The following SCN2A variants were observed in gnomAD, a reference collection of about 807,000 sequenced individuals.
SCN2A encodes the protein sodium voltage-gated channel alpha subunit 2.
Under a neutral mutation model 188.7 loss-of-function variants are expected in SCN2A, and 20 were observed. The observed-to-expected ratio is 0.11, with a 90% CI of 0.07 to 0.15. SCN2A has a LOEUF of 0.15. SCN2A is among the 10% of genes least tolerant of loss of function. The probability of loss-of-function intolerance (pLI) is 1.00; values close to 1 mark genes in which losing one functional copy is unlikely to be tolerated. For synonymous variants in SCN2A, 804 were observed against 833.1 expected, an observed-to-expected ratio of 0.97 and a Z score of 0.60; for missense variants, 1,278 against 2,445.0, an observed-to-expected ratio of 0.52 and a Z score of 10.07.
At chr2:165,350,464 C>CTTTTTTTTTTTTTTTTTTTTTTTTTTT (rs71028479) in intron 16 of SCN2A, among the ~76,000 whole-genome samples, 4 of 73,848 alleles carry the variant, frequency 5.4e-5, no homozygotes, top group African/African-American at 1.8e-4. Flanking sequence ...TGTTTTCTTT[C>CTTTTTTTTTTTTTTTTTTTTTTTTTTT]TTTTTTTTTT....
At chr2:165,258,435 G>T (rs1354815423) in intron 1 of SCN2A, among the ~76,000 whole-genome samples, 1 of 152,150 alleles carries the variant, frequency 6.6e-6, no homozygotes, top group Non-Finnish European at 1.5e-5. Context: ...TTTGTCCGTT[G>T]CTTGCTGGAG....
chr2:165,305,177 T>A (rs1194072857), intron 3 of SCN2A, among the ~76,000 whole-genome samples: 1 of 152,226 alleles, frequency 6.6e-6, no homozygotes, highest in African/African-American at 2.4e-5. Context: ...AATCTAAGAT[T>A]TCTCATAGGT....
rs752881264 is a variant in SCN2A, at chr2:165,323,503, G to A, written c.2016+3G>A. 3.9e-5 allele frequency: 62 copies of A among 1,608,588 alleles called. 1 individual carries two copies. The highest frequency in any genetic ancestry group is 5.1e-5 in the Non-Finnish European group (60 of 1,177,394). On this transcript the variant is annotated splice_donor_region_variant and intron_variant, in intron 12 of 26. Coordinates refer to ENST00000375437, the MANE Select transcript of SCN2A (RefSeq NM_001040142.2). Reference sequence around the variant, plus strand: ...CTGCTGGGCAGCTCCTACCAGAGGTGAGGCCAATTAAAATTGCAGCTGATG... The same window carrying A: ...CTGCTGGGCAGCTCCTACCAGAGGTAAGGCCAATTAAAATTGCAGCTGATG...
intron 22 of SCN2A, among the ~76,000 whole-genome samples, chr2:165,376,214 A>G (rs943446978): frequency 1.3e-5 from 2 of 151,876 alleles, no homozygotes; most frequent in African/African-American, 4.8e-5. Flanking sequence ...AAAAATAAGT[A>G]TAAGAAGCGA....
At chr2:165,346,754 A>C (rs1699610337) in intron 16 of SCN2A, among the ~76,000 whole-genome samples, 1 of 152,214 alleles carries the variant, frequency 6.6e-6, no homozygotes, top group Admixed American at 6.5e-5. Context: ...TACAAGAAAA[A>C]CACAACCCTA....
At chr2:165,362,948 A>G (rs1310376674) in intron 17 of SCN2A, among the ~76,000 whole-genome samples, 2 of 152,138 alleles carry the variant, frequency 1.3e-5, no homozygotes, top group South Asian at 4.1e-4. Context: ...CAAAATAGAC[A>G]GTGAAGAAAG....
At chr2:165,298,961 T>A (rs1200599610) in intron 3 of SCN2A, among the ~76,000 whole-genome samples, 2 of 152,110 alleles carry the variant, frequency 1.3e-5, no homozygotes, top group Admixed American at 1.3e-4. Flanking sequence ...TTTGAATGGA[T>A]CAGAAAAAAT....
chr2:165,287,064 A>T (rs909077908), intron 1 of SCN2A, among the ~76,000 whole-genome samples: 4 of 152,148 alleles, frequency 2.6e-5, no homozygotes, highest in African/African-American at 9.7e-5. Context: ...GTAGAGGGAG[A>T]GACCGAGGCA....
At chr2:165,308,595 G>GACACA in intron 4 of SCN2A, 71 bp from the exon 5 acceptor site, 1 of 1,548,522 alleles carries the variant, frequency 6.5e-7, no homozygotes, top group Non-Finnish European at 8.9e-7. Context: ...TGCTGTTTAT[G>GACACA]TCATCTTTAA....
At chr2:165,379,036 C>T (rs1031848122) in intron 23 of SCN2A, among the ~76,000 whole-genome samples, 2 of 151,732 alleles carry the variant, frequency 1.3e-5, no homozygotes, top group African/African-American at 4.8e-5. Flanking sequence ...CCTTTAAAAA[C>T]AGTTGGGTAT....
intron 1 of SCN2A, chr2:165,273,728 C>T (rs1048234882): frequency 1.3e-5 from 2 of 152,044 alleles, no homozygotes; most frequent in Non-Finnish European, 2.9e-5. Flanking sequence ...AATGATGATG[C>T]TTTGCTTTTG....
chr2:165,364,635 C>T (rs1013040821), intron 17 of SCN2A, among the ~76,000 whole-genome samples: 5 of 152,134 alleles, frequency 3.3e-5, no homozygotes, highest in Admixed American at 3.3e-4. Context: ...TATTTAATAA[C>T]AATCTGGTAT....
intron 15 of SCN2A, among the ~76,000 whole-genome samples, chr2:165,343,985 A>G (rs1444474770): frequency 6.6e-6 from 1 of 152,268 alleles, no homozygotes; most frequent in South Asian, 2.1e-4. Flanking sequence ...TCACCTGTGC[A>G]TTTCAGCATA....
chr2:165,331,989 A>T (rs1259434008), intron 14 of SCN2A, among the ~76,000 whole-genome samples: 1 of 152,068 alleles, frequency 6.6e-6, no homozygotes, highest in African/African-American at 2.4e-5. Flanking sequence ...GGGAGGGGAC[A>T]TCATCTGGGG....
Position 165,265,529 on chromosome 2 carries a change from G to A in SCN2A, c.-52+25889G>A, listed in dbSNP as rs540141027. 5.8e-3 allele frequency among the ~76,000 whole-genome samples: 571 copies of A among 98,398 alleles called. 4 individuals carry two copies. The highest frequency in any genetic ancestry group is 8.3e-3 in the Non-Finnish European group (418 of 50,504). 64.6% of individuals were successfully genotyped at this position (98,398 alleles called of 152,430 possible). ...TATATATATATATTGCTGTGCAGAAGCTCTTTAGTTTAATTAGATCATAAT... is the reference window on the plus strand; with the variant it reads ...TATATATATATATTGCTGTGCAGAAACTCTTTAGTTTAATTAGATCATAAT... On this transcript the variant is annotated intron_variant, in intron 1 of 26. Transcript: ENST00000375437.
At chr2:165,384,943 G>A (rs2105394237) in intron 25 of SCN2A, among the ~76,000 whole-genome samples, 1 of 152,214 alleles carries the variant, frequency 6.6e-6, no homozygotes, top group Admixed American at 6.5e-5. Context: ...GCCAGACTTG[G>A]AAAGTTAAAC....
intron 1 of SCN2A, among the ~76,000 whole-genome samples, chr2:165,262,099 T>A (rs183919313): frequency 1.1e-3 from 164 of 152,336 alleles, no homozygotes; most frequent in African/African-American, 3.7e-3. Context: ...CTTGCCCATC[T>A]CAAATAATAG....
chr2:165,367,894 G>C (rs1399863389), intron 19 of SCN2A, among the ~76,000 whole-genome samples: 1 of 152,154 alleles, frequency 6.6e-6, no homozygotes, highest in East Asian at 1.9e-4. Context: ...GAGCGTCTAG[G>C]GGAGGGTGCC....
At position 165,267,123 on chromosome 2, in the gene SCN2A, A is replaced by G. The variant is rs553338090; in HGVS notation, c.-52+27483A>G. 13 of 152,194 alleles carry G rather than the reference A, an allele frequency of 8.5e-5. No homozygotes were observed. The East Asian group carries it at 1.2e-3, about 14-fold the overall frequency. 9.4% of individuals were successfully genotyped at this position (152,194 alleles called of 1,614,324 possible). On this transcript the variant is annotated intron_variant, in intron 1 of 26. Transcript: ENST00000375437. ...CAATGAAATCCGTATAAAAATTCCA[A>G]TGACATAATAGATATTTTTTAAATC...
Sources: gnomAD v4.1 joint callset for allele counts (sites outside exome capture counted in the v4.1 genomes callset) on GRCh38, gnomAD v4.1.1 for gene constraint, MANE v1.5 for transcripts, NCBI Gene and HGNC (gene_info 2026-07-23, HGNC 2026-07-21) for gene names.